Variants in GAREM1 observed in about 807,000 individuals in gnomAD.
The protein encoded by GAREM1 is GRB2 associated regulator of MAPK1 subtype 1.
GAREM1 carries 26 observed loss-of-function variants against 71.3 expected under a neutral mutation model. That is an observed-to-expected ratio of 0.36 (90% CI 0.27 to 0.51). The LOEUF (loss-of-function observed/expected upper bound fraction) is 0.51, where lower values mean the gene tolerates loss of function less well. Among genes scored for constraint, GAREM1 ranks in the 20% least tolerant of loss-of-function variants. The probability of loss-of-function intolerance (pLI) is 0.95; values close to 1 mark genes in which losing one functional copy is unlikely to be tolerated. For synonymous variants in GAREM1, 440 were observed against 433.2 expected (o/e 1.02, Z -0.20); for missense variants, 1,026 against 1,103.1 (o/e 0.93, Z 0.99).
Position 32,364,028 on chromosome 18 carries a change from G to GTTTTTTTTTTTTTTTTTTTT in GAREM1, c.262+28847_262+28866dup, listed in dbSNP as rs1157200391. 6.9e-4 allele frequency among the ~76,000 whole-genome samples: 15 copies of GTTTTTTTTTTTTTTTTTTTT among 21,664 alleles called. 1 individual carries two copies. The highest frequency in any genetic ancestry group is 2.3e-3 in the African/African-American group (13 of 5,614). The allele number at this position is 21,664 out of a possible 152,430, so 14.2% of individuals were successfully genotyped here. A position where few individuals can be genotyped will look rare whatever the true frequency, so the allele number is the denominator to read the frequency against. Reference sequence around the variant, plus strand: ...TATATATATATATATATATATATATGTTTTTTTTTTTTTTTTTTTTTTGTG... The same window carrying GTTTTTTTTTTTTTTTTTTTT: ...TATATATATATATATATATATATATGTTTTTTTTTTTTTTTTTTTTTTTTTTTTTTTTTTTTTTTTTTGTG... On this transcript the variant is annotated intron_variant, in intron 2 of 5. Transcript: ENST00000269209.
At position 32,263,950 on chromosome 18, in the gene GAREM1, C is replaced by T. The variant is rs917833738; in HGVS notation, c.*3921G>A. ...AAAATTTATAGCCTAAAAATTAGAG[C>T]AGCAAAATTACAGAAGATATTTGTA... On this transcript the variant is annotated 3_prime_UTR_variant, in exon 6 of 6. Coordinates refer to ENST00000269209, the MANE Select transcript of GAREM1 (RefSeq NM_001242409.2). The T allele has an allele frequency of 6.6e-6, 1 of 152,166 alleles. No individual in the cohort carries two copies. Among genetic ancestry groups the T allele is most frequent in the African/African-American group, 2.4e-5 (1 of 41,442 alleles). The allele number at this position is 152,166 out of a possible 1,614,324, so 9.4% of individuals were successfully genotyped here. A position where few individuals can be genotyped will look rare whatever the true frequency, so the allele number is the denominator to read the frequency against.
At chr18:32,468,849 G>T (rs1001167731) in intron 1 of GAREM1, among the ~76,000 whole-genome samples, 1 of 151,938 alleles carries the variant, frequency 6.6e-6, no homozygotes, top group Non-Finnish European at 1.5e-5. Flanking sequence ...GAAATGAAAC[G>T]CTGTGAATAC....
chr18:32,470,263 A>T lies in GAREM1; in HGVS notation c.121+45T>A. 7.0e-7 allele frequency: 1 copy of T among 1,438,664 alleles called. No homozygotes were observed. The highest frequency in any genetic ancestry group is 9.2e-7 in the Non-Finnish European group (1 of 1,088,436). 89.1% of individuals were successfully genotyped at this position (1,438,664 alleles called of 1,614,324 possible). On this transcript the variant is annotated intron_variant, in intron 1 of 5. Coordinates refer to ENST00000269209, the MANE Select transcript of GAREM1 (RefSeq NM_001242409.2). The surrounding 1 kb of genome is among the most constrained non-coding windows in gnomAD (Gnocchi z 4.4). ...CACACGCGCGCACACCCGCGTGGAG[A>T]CGGCTGTCCTCGCCCGTCTGCCCCG...
chr18:32,422,699 G>A (rs770777273), intron 1 of GAREM1, among the ~76,000 whole-genome samples: 33 of 152,210 alleles, frequency 2.2e-4, no homozygotes, highest in Admixed American at 1.4e-3. Flanking sequence ...AAAACTTGAA[G>A]CCTAAAAATT....
At position 32,359,157 on chromosome 18, in the gene GAREM1, G is replaced by A. The variant is rs192736005; in HGVS notation, c.262+33738C>T. Among the ~76,000 whole-genome samples, 35 of 152,262 alleles carry A rather than the reference G, an allele frequency of 2.3e-4. No individual in the cohort carries two copies. In the East Asian group the frequency reaches 4.6e-3, roughly 20 times the overall value. On this transcript the variant is annotated intron_variant, in intron 2 of 5. Coordinates refer to ENST00000269209, the MANE Select transcript of GAREM1 (RefSeq NM_001242409.2). ...TAAGTCAAACTAAAATATGCCCATG[G>A]TTTTAATAATCAGATGGTATTAAAA...
At chr18:32,396,377 G>A (rs562996059) in intron 1 of GAREM1, among the ~76,000 whole-genome samples, 6 of 152,262 alleles carry the variant, frequency 3.9e-5, no homozygotes, top group Admixed American at 6.5e-5. Context: ...GAGGAAGTTC[G>A]AACCCATTGC....
chr18:32,422,198 T>C (rs185962101), intron 1 of GAREM1, among the ~76,000 whole-genome samples: 1 of 152,202 alleles, frequency 6.6e-6, no homozygotes, highest in Admixed American at 6.5e-5. Flanking sequence ...GTCGCTGTGT[T>C]CTCATTGTTC....
intron 2 of GAREM1, among the ~76,000 whole-genome samples, chr18:32,364,028 G>GTTGTTTTTTTTTTTTTTT (rs2047903365): frequency 4.6e-5 from 1 of 21,674 alleles, no homozygotes; most frequent in African/African-American, 1.8e-4. Flanking sequence ...ATATATATAT[G>GTTGTTTTTTTTTTTTTTT]TTTTTTTTTT....
rs1023596789 is a variant in GAREM1 at position 32,264,126 on chromosome 18, A to G, written c.*3745T>C. ...ATTATTACAATCCCACAATCTAAAA[A>G]CTCTACTTCACATAATTTGCACTCT... On this transcript the variant is annotated 3_prime_UTR_variant, in exon 6 of 6. Transcript: ENST00000269209. The G allele has an allele frequency of 6.6e-6, 1 of 151,918 alleles. No individual in the cohort carries two copies. The highest frequency in any genetic ancestry group is 6.6e-5 in the Admixed American group (1 of 15,258). The allele number at this position is 151,918 out of a possible 1,614,324, so 9.4% of individuals were successfully genotyped here. A position where few individuals can be genotyped will look rare whatever the true frequency, so the allele number is the denominator to read the frequency against.
intron 1 of GAREM1, among the ~76,000 whole-genome samples, chr18:32,436,073 G>A (rs747115246): frequency 1.3e-5 from 2 of 152,088 alleles, no homozygotes; most frequent in Non-Finnish European, 2.9e-5. Context: ...AGGCTAGCAG[G>A]AATAATAAAA....
chr18:32,393,420 G>T (rs2048222198), intron 1 of GAREM1, among the ~76,000 whole-genome samples: 1 of 152,110 alleles, frequency 6.6e-6, no homozygotes, highest in Non-Finnish European at 1.5e-5. Flanking sequence ...GTAGGTAAAA[G>T]GTAATGCTCC....
rs10853422 is a variant in GAREM1 at position 32,465,922 on chromosome 18, T to C, written c.121+4386A>G. 3.0e-4 allele frequency among the ~76,000 whole-genome samples: 46 copies of C among 152,334 alleles called. No homozygotes were observed. The East Asian group carries it at 8.1e-3, about 27-fold the overall frequency. On this transcript the variant is annotated intron_variant, in intron 1 of 5. Transcript: ENST00000269209. Reference sequence around the variant, plus strand: ...CACTCACTTTACAAAAGTAATGCACTTGTATTACCTTCTCTACATCTTTCT... The same window carrying C: ...CACTCACTTTACAAAAGTAATGCACCTGTATTACCTTCTCTACATCTTTCT...
intron 2 of GAREM1, among the ~76,000 whole-genome samples, chr18:32,392,596 C>G (rs1308302977): frequency 1.3e-5 from 2 of 152,164 alleles, no homozygotes; most frequent in Non-Finnish European, 2.9e-5. Context: ...ACATGACCCC[C>G]TGAAGTTCTG....
intron 1 of GAREM1, among the ~76,000 whole-genome samples, chr18:32,452,996 C>T (rs1321858192): frequency 6.6e-6 from 1 of 151,844 alleles, no homozygotes; most frequent in African/African-American, 2.4e-5. Flanking sequence ...TTGTATTAGT[C>T]CATTTTCACG....
At position 32,266,502 on chromosome 18, in the gene GAREM1, G is replaced by A. The variant is rs2041375697; in HGVS notation, c.*1369C>T. Reference sequence around the variant, plus strand: ...CTGAGAACTAATACAGTCTTAAGATGTATATTCTCTAAAAAAGTCAAGAAT... The same window carrying A: ...CTGAGAACTAATACAGTCTTAAGATATATATTCTCTAAAAAAGTCAAGAAT... On this transcript the variant is annotated 3_prime_UTR_variant, in exon 6 of 6. Coordinates refer to ENST00000269209, the MANE Select transcript of GAREM1 (RefSeq NM_001242409.2). 6.6e-6 allele frequency: 1 copy of A among 152,100 alleles called. No individual in the cohort carries two copies. Among genetic ancestry groups the A allele is most frequent in the African/African-American group, 2.4e-5 (1 of 41,388 alleles). 9.4% of individuals were successfully genotyped at this position (152,100 alleles called of 1,614,324 possible).
At chr18:32,357,486 T>C (rs1161140229) in intron 2 of GAREM1, among the ~76,000 whole-genome samples, 9 of 152,108 alleles carry the variant, frequency 5.9e-5, no homozygotes, top group East Asian at 1.9e-4. Flanking sequence ...CAGAGACACT[T>C]GATTTGTGTT....
At chr18:32,431,089 G>A (rs527997924) in intron 1 of GAREM1, among the ~76,000 whole-genome samples, 1 of 152,266 alleles carries the variant, frequency 6.6e-6, no homozygotes, top group South Asian at 2.1e-4. Flanking sequence ...TTGAACTGCA[G>A]TACAGACCAC....
At chr18:32,330,360 G>T (rs978974784) in intron 2 of GAREM1, among the ~76,000 whole-genome samples, 5 of 152,232 alleles carry the variant, frequency 3.3e-5, no homozygotes, top group South Asian at 2.1e-4. Flanking sequence ...TACTAGTTGT[G>T]GGGGGAGGGA....
rs2041374203 is a variant in GAREM1, at chr18:32,266,407, C to T, written c.*1464G>A. On this transcript the variant is annotated 3_prime_UTR_variant, in exon 6 of 6. Coordinates refer to ENST00000269209, the MANE Select transcript of GAREM1 (RefSeq NM_001242409.2). ...AAGAGGGCACTGTGTGCACCTCGGT[C>T]ATGGGCTGTCCGCACATCTGGAATC... is the stretch of plus-strand genomic sequence containing the variant. The T allele has an allele frequency of 6.6e-6, 1 of 152,190 alleles. No individual in the cohort carries two copies. The highest frequency in any genetic ancestry group is 2.4e-5 in the African/African-American group (1 of 41,446). The allele number at this position is 152,190 out of a possible 1,614,324, so 9.4% of individuals were successfully genotyped here.
Sources: gnomAD v4.1 joint callset for allele counts (sites outside exome capture counted in the v4.1 genomes callset) on GRCh38, gnomAD v4.1.1 for gene constraint, Gnocchi (gnomAD v3.1) non-coding constraint, MANE v1.5 for transcripts, NCBI Gene and HGNC (gene_info 2026-07-23, HGNC 2026-07-21) for gene names.